The following GRIP1 variants were observed in gnomAD, a reference collection of about 807,000 sequenced individuals.
GRIP1 encodes glutamate receptor interacting protein 1.
In GRIP1, 45 loss-of-function variants were observed where a neutral mutation model predicts 129.9. The ratio of observed to expected loss-of-function variants is 0.35; its 90% CI spans 0.27 to 0.44. The LOEUF is 0.44. Ranked by LOEUF, GRIP1 falls within the 20% of genes least tolerant of loss-of-function variation. The pLI is 1.00. For synonymous variants in GRIP1, 530 were observed against 520.8 expected, an observed-to-expected ratio of 1.02 and a Z score of -0.24; for missense variants, 1,196 against 1,396.8, an observed-to-expected ratio of 0.86 and a Z score of 2.29.
intron 18 of GRIP1, 23 bp downstream of exon 18, chr12:66,392,654 G>A (rs747437893): frequency 1.9e-6 from 3 of 1,612,810 alleles, no homozygotes; most frequent in Admixed American, 1.7e-5. Context: ...ATCCTTAATT[G>A]TGGCTTTCAA....
chr12:66,996,549 T>C (rs562533319), intron 1 of GRIP1, among the ~76,000 whole-genome samples: 6 of 152,148 alleles, frequency 3.9e-5, no homozygotes, highest in Admixed American at 3.3e-4. Context: ...ACTTCATCAA[T>C]TGCTCCTTTG....
rs1263020704 is a variant in GRIP1 at position 66,530,060 on chromosome 12, T to TA, written c.419-147dup. The stretch of plus-strand genomic sequence containing the variant: ...ACAATTCCTTTTCAAAGAAAATGTT[T>TA]AAAAAACTGTAATGACATAAAAATA... On this transcript the variant is annotated intron_variant, in intron 4 of 24. Transcript: ENST00000359742. 242 of 641,892 alleles carry TA rather than the reference T, an allele frequency of 3.8e-4. 2 individuals carry two copies. In the South Asian group the frequency reaches 4.4e-3, roughly 12 times the overall value. 39.8% of individuals were successfully genotyped at this position (641,892 alleles called of 1,614,324 possible).
intron 7 of GRIP1, among the ~76,000 whole-genome samples, chr12:66,466,159 G>C (rs769093755): frequency 6.6e-6 from 1 of 152,148 alleles, no homozygotes. Context: ...TCAATTCCTC[G>C]GGAAGCCTAA....
At chr12:66,820,352 C>G (rs2039296067) in intron 1 of GRIP1, among the ~76,000 whole-genome samples, 3 of 152,160 alleles carry the variant, frequency 2.0e-5, no homozygotes, top group South Asian at 2.1e-4. Flanking sequence ...ACTGGCAATA[C>G]CAAATGCTGG....
At chr12:66,729,837 G>A (rs1008270907) in intron 1 of GRIP1, among the ~76,000 whole-genome samples, 1 of 152,106 alleles carries the variant, frequency 6.6e-6, no homozygotes, top group Non-Finnish European at 1.5e-5. Context: ...GCCTCCCAAA[G>A]TGCTGGGATT....
chr12:67,067,709 C>T (rs1362734403), intron 1 of GRIP1, among the ~76,000 whole-genome samples: 1 of 152,170 alleles, frequency 6.6e-6, no homozygotes, highest in Non-Finnish European at 1.5e-5. Flanking sequence ...GGAAATTGTA[C>T]ATTGGTTCTT....
intron 1 of GRIP1, among the ~76,000 whole-genome samples, chr12:66,980,338 C>T (rs770799122): frequency 1.3e-5 from 2 of 152,146 alleles, no homozygotes; most frequent in Admixed American, 6.6e-5. Context: ...TGTGGCTAGG[C>T]GTGGTGGTTC....
intron 1 of GRIP1, among the ~76,000 whole-genome samples, chr12:66,980,753 G>C (rs2042231834): frequency 6.6e-6 from 1 of 152,156 alleles, no homozygotes; most frequent in Non-Finnish European, 1.5e-5. Flanking sequence ...GATGACCCCA[G>C]GCAGACTGAT....
At chr12:66,703,123 G>A (rs1009451558) in intron 1 of GRIP1, among the ~76,000 whole-genome samples, 8 of 152,116 alleles carry the variant, frequency 5.3e-5, no homozygotes, top group African/African-American at 1.9e-4. Flanking sequence ...TAGAGCAGAT[G>A]AGGGTTCTAG....
At chr12:66,357,520 A>G (rs2054550666) in intron 23 of GRIP1, among the ~76,000 whole-genome samples, 1 of 152,160 alleles carries the variant, frequency 6.6e-6, no homozygotes, top group African/African-American at 2.4e-5. Context: ...TGACAGCCTC[A>G]TTCCTCTATT....
At position 66,444,634 on chromosome 12, in the gene GRIP1, T is replaced by C; in HGVS notation, c.1637A>G (p.Asp546Gly). ...TFEEASQLLR[D>G]SSITSKVTLE... Reference sequence around the variant, plus strand: ...TGTGACCTTGCTCGTGATTGAAGAGTCTCGGAGGAGCTGACTGGCTTCTTC... The same window carrying C: ...TGTGACCTTGCTCGTGATTGAAGAGCCTCGGAGGAGCTGACTGGCTTCTTC... Residue 546 changes from aspartate to glycine, a missense_variant, in exon 13 of 25, where the codon GAC becomes GGC. This residue lies in a region of GRIP1 where 508 missense variants were observed against 587.0 expected (regional missense o/e 0.87). Transcript: ENST00000359742. 1 of 1,613,950 alleles carries C rather than the reference T, an allele frequency of 6.2e-7. No homozygotes were observed. The highest frequency in any genetic ancestry group is 2.2e-5 in the East Asian group (1 of 44,866).
At chr12:66,812,735 T>G (rs1212306057) in intron 1 of GRIP1, among the ~76,000 whole-genome samples, 1 of 152,244 alleles carries the variant, frequency 6.6e-6, no homozygotes, top group Non-Finnish European at 1.5e-5. Context: ...TGCTAGATGT[T>G]TAATCCATGA....
rs114895490 is a variant in GRIP1, at chr12:66,945,022, G to A, written c.58+124028C>T. Among the ~76,000 whole-genome samples the A allele has an allele frequency of 5.0e-3, 767 of 152,142 alleles. 6 individuals are homozygous for A. The highest frequency in any genetic ancestry group is 0.018 in the African/African-American group (735 of 41,516). The stretch of plus-strand genomic sequence containing the variant: ...TGGCCAGGGTGGTCTAGAACTCCTG[G>A]CCTCACGTGACCCACCCACCTTGGC... On this transcript the variant is annotated intron_variant, in intron 1 of 1. Coordinates refer to the GRIP1 transcript ENST00000643019.
chr12:66,466,605 T>C (rs2059293419), intron 7 of GRIP1, among the ~76,000 whole-genome samples: 1 of 151,878 alleles, frequency 6.6e-6, no homozygotes, highest in Non-Finnish European at 1.5e-5. Context: ...CAATTAACAA[T>C]ACTAAAACTT....
At chr12:67,054,892 G>A (rs1046483685) in intron 1 of GRIP1, among the ~76,000 whole-genome samples, 18 of 152,158 alleles carry the variant, frequency 1.2e-4, no homozygotes, top group Admixed American at 1.2e-3. Flanking sequence ...TAATGTGATA[G>A]ACCAGAGGCC....
At chr12:66,722,447 T>C (rs1017431804) in intron 1 of GRIP1, among the ~76,000 whole-genome samples, 5 of 152,144 alleles carry the variant, frequency 3.3e-5, no homozygotes, top group African/African-American at 1.2e-4. Flanking sequence ...TGGGTGCAGG[T>C]CATGGTGCCC....
chr12:66,354,150 C>T (rs900905393), intron 23 of GRIP1, among the ~76,000 whole-genome samples: 2 of 152,138 alleles, frequency 1.3e-5, no homozygotes, highest in African/African-American at 4.8e-5. Context: ...CGGCTTAACT[C>T]GCTCCCTCAG....
At chr12:66,952,693 G>A (rs183193095) in intron 1 of GRIP1, among the ~76,000 whole-genome samples, 4 of 152,212 alleles carry the variant, frequency 2.6e-5, no homozygotes, top group African/African-American at 9.6e-5. Context: ...CATCTCAATA[G>A]AGTTCAAATT....
At chr12:66,975,666 A>G (rs188866549) in intron 1 of GRIP1, among the ~76,000 whole-genome samples, 1 of 152,366 alleles carries the variant, frequency 6.6e-6, no homozygotes, top group Admixed American at 6.5e-5. Context: ...AAAAAATGTT[A>G]AAAACATAAT....
Sources: allele counts gnomAD v4.1 joint callset (sites outside exome capture counted in the v4.1 genomes callset), GRCh38; gene constraint gnomAD v4.1.1; regional missense constraint gnomAD v4.1.1; transcripts MANE v1.5; gene names NCBI Gene and HGNC (gene_info 2026-07-23, HGNC 2026-07-21).